Variants in NUP205 observed in about 807,000 individuals in gnomAD.
NUP205 encodes the protein nucleoporin 205.
NUP205 carries 76 observed loss-of-function variants against 253.8 expected under a neutral mutation model. That is an observed-to-expected ratio of 0.30 (90% confidence interval 0.25 to 0.36). The LOEUF is 0.36. Among genes scored for constraint, NUP205 ranks in the 10% least tolerant of loss-of-function variants. NUP205 has a pLI of 1.00. For missense variants in NUP205, 2,162 were observed against 2,425.5 expected (o/e 0.89, Z 2.28); for synonymous variants, 832 against 850.1 (o/e 0.98, Z 0.37).
intron 33 of NUP205, among the ~76,000 whole-genome samples, chr7:135,626,891 G>A (rs1270163589): frequency 1.3e-5 from 2 of 152,106 alleles, no homozygotes; most frequent in East Asian, 3.9e-4. Flanking sequence ...TAGGTAGATA[G>A]CATACCTTCC....
chr7:135,617,264 A>C lies in NUP205; in HGVS notation c.3690+17A>C, dbSNP rs767584976. 6.2e-7 allele frequency: 1 copy of C among 1,610,206 alleles called. No individual in the cohort carries two copies. The highest frequency in any genetic ancestry group is 1.1e-5 in the South Asian group (1 of 90,628). On this transcript the variant is annotated intron_variant, in intron 26 of 42. Coordinates refer to ENST00000285968, the MANE Select transcript of NUP205 (RefSeq NM_015135.3). ...AATGTCAAGGTGAGGATTGCTTTAA[A>C]GTACATATCTGCAGTGTCAAGTGGC...
At chr7:135,597,935 A>T in intron 14 of NUP205, 63 bp from the exon 15 acceptor site, 1 of 1,268,974 alleles carries the variant, frequency 7.9e-7, no homozygotes, top group Non-Finnish European at 1.1e-6. Flanking sequence ...ATGTCTGCAT[A>T]ATACTCTTCA....
intron 15 of NUP205, among the ~76,000 whole-genome samples, chr7:135,600,615 C>A (rs1047472933): frequency 6.6e-6 from 1 of 152,068 alleles, no homozygotes; most frequent in African/African-American, 2.4e-5. Flanking sequence ...TTAATGAATT[C>A]CAAACATCTA....
At chr7:135,627,182 C>G (rs1029432137) in intron 33 of NUP205, among the ~76,000 whole-genome samples, 1 of 152,112 alleles carries the variant, frequency 6.6e-6, no homozygotes, top group South Asian at 2.1e-4. Context: ...CGTTCCCCCT[C>G]AATAGGCAGC....
chr7:135,628,196 A>C, intron 34 of NUP205, 85 bp downstream of exon 34: 1 of 1,332,068 alleles, frequency 7.5e-7, no homozygotes, highest in East Asian at 2.4e-5. Context: ...TAGAATGCTT[A>C]AGTGAATTTA....
In NUP205 at chr7:135,571,108, C is replaced by T; in HGVS notation, c.32C>T (p.Ala11Val). ...TTTCATTTATTTTTTCTTTAAGCTGCTAGTCTATGGGGTCCTTACAAAGAC... is the reference window on the plus strand; with the variant it reads ...TTTCATTTATTTTTTCTTTAAGCTGTTAGTCTATGGGGTCCTTACAAAGAC... MATPLAVNSA[A>V]SLWGPYKDIW... Residue 11 changes from alanine to valine, a missense_variant, in exon 2 of 43, where the codon GCT (alanine) becomes GTT (valine). This residue lies in a region of NUP205 where 109 missense variants were observed against 131.8 expected (regional missense o/e 0.83). Coordinates refer to ENST00000285968, the MANE Select transcript of NUP205 (RefSeq NM_015135.3). The T allele has an allele frequency of 1.3e-6, 2 of 1,542,644 alleles. No homozygotes were observed. Among genetic ancestry groups the T allele is most frequent in the Non-Finnish European group, 1.7e-6 (2 of 1,144,384 alleles).
intron 7 of NUP205, among the ~76,000 whole-genome samples, chr7:135,581,084 A>G (rs1425192450): frequency 2.0e-5 from 3 of 152,152 alleles, no homozygotes; most frequent in Non-Finnish European, 4.4e-5. Flanking sequence ...TTTGCATTTT[A>G]AAAATTGTTA....
At chr7:135,644,388 C>T (rs759493033) in intron 39 of NUP205, among the ~76,000 whole-genome samples, 5 of 152,210 alleles carry the variant, frequency 3.3e-5, no homozygotes, top group African/African-American at 1.2e-4. Context: ...CACTTCAGTA[C>T]GCCTTCTGTG....
intron 3 of NUP205, 131 bp from the exon 4 acceptor site, chr7:135,576,139 G>A (rs780853411): frequency 6.4e-6 from 4 of 626,104 alleles, no homozygotes; most frequent in Admixed American, 2.8e-5. Flanking sequence ...GTTTGTAGTA[G>A]AGGACCCCAG....
intron 1 of NUP205, among the ~76,000 whole-genome samples, chr7:135,570,649 T>C (rs1170858920): frequency 7.6e-6 from 1 of 130,738 alleles, no homozygotes; most frequent in Admixed American, 9.0e-5. Context: ...TAATTAGCAA[T>C]CATTTATTAT....
rs777973604 is a variant in NUP205 at position 135,576,448 on chromosome 7, T to C, written c.488+34T>C. On this transcript the variant is annotated intron_variant, in intron 4 of 42. Coordinates refer to ENST00000285968, the MANE Select transcript of NUP205 (RefSeq NM_015135.3). ...ACTTCTTGGGATTTCAGGGGTTAAT[T>C]TGAAATTACTTGAAGTATGACAATA... 99 of 1,570,948 alleles carry C rather than the reference T, an allele frequency of 6.3e-5. 1 individual carries two copies. In the Middle Eastern group the frequency reaches 1.2e-3, roughly 19 times the overall value.
intron 22 of NUP205, among the ~76,000 whole-genome samples, chr7:135,611,590 CCT>C (rs960384485): frequency 6.6e-6 from 1 of 151,774 alleles, no homozygotes; most frequent in Non-Finnish European, 1.5e-5. Context: ...CTTTTTTACT[CCT>C]CTCTGTATAA....
rs1806623343 is a variant in NUP205, at chr7:135,591,334, G to A, written c.1474-116G>A. On this transcript the variant is annotated intron_variant, in intron 10 of 42. Coordinates refer to ENST00000285968, the MANE Select transcript of NUP205 (RefSeq NM_015135.3). ...AGAATATCAGTTAAATTTGTCTGTT[G>A]CGAGGGTTAAGTCAGAGCACTACTT... 3.9e-6 allele frequency: 3 copies of A among 774,624 alleles called. No homozygotes were observed. In the South Asian group the frequency reaches 5.3e-5, roughly 14 times the overall value. The allele number at this position is 774,624 out of a possible 1,614,324, so 48.0% of individuals were successfully genotyped here. A position where few individuals can be genotyped will look rare whatever the true frequency, so the allele number is the denominator to read the frequency against.
At chr7:135,583,485 C>T (rs900067380) in intron 7 of NUP205, among the ~76,000 whole-genome samples, 12 of 152,084 alleles carry the variant, frequency 7.9e-5, no homozygotes, top group African/African-American at 1.2e-4. Context: ...AATGGCCAGG[C>T]GCAGTGACTC....
At chr7:135,588,041 G>A (rs923360619) in intron 10 of NUP205, 49 bp downstream of exon 10, 2 of 1,492,616 alleles carry the variant, frequency 1.3e-6, no homozygotes, top group African/African-American at 2.8e-5. Context: ...GTGATAGAGA[G>A]TCTTGAAAAC....
chr7:135,600,538 A>C (rs565772199), intron 15 of NUP205, among the ~76,000 whole-genome samples: 47 of 152,328 alleles, frequency 3.1e-4, no homozygotes, highest in African/African-American at 1.0e-3. Context: ...TTGGCACTTG[A>C]AAAGTGTCCA....
chr7:135,584,519 A>C (rs2129490043), intron 7 of NUP205, among the ~76,000 whole-genome samples: 1 of 152,328 alleles, frequency 6.6e-6, no homozygotes, highest in African/African-American at 2.4e-5. Flanking sequence ...TAATATGTGA[A>C]TGTTTGGATG....
In NUP205 at chr7:135,643,349, G is replaced by T; in HGVS notation, c.5550G>T (p.Glu1850Asp). The T allele has an allele frequency of 1.2e-6, 2 of 1,613,630 alleles. No homozygotes were observed. The highest frequency in any genetic ancestry group is 1.7e-6 in the Non-Finnish European group (2 of 1,179,780). The change falls in exon 39 of 43, where the codon GAG (glutamate) becomes GAT (aspartate). Residue 1850 changes from glutamate (E) to aspartate (D), a missense_variant. Physicochemically the swap from Glu to Asp is conservative, Grantham distance 45. Coordinates refer to ENST00000285968, the MANE Select transcript of NUP205 (RefSeq NM_015135.3). ...LQNVEQLPPDEIKELCQSVMP... is the reference protein window; with the variant it reads ...LQNVEQLPPDDIKELCQSVMP... ...ATGTAGAGCAGCTTCCCCCAGATGAGATAAAAGAGGTACGAATCTTATAAT... is the reference window on the plus strand; with the variant it reads ...ATGTAGAGCAGCTTCCCCCAGATGATATAAAAGAGGTACGAATCTTATAAT...
At chr7:135,622,095 G>A (rs957397588) in intron 30 of NUP205, among the ~76,000 whole-genome samples, 1 of 149,198 alleles carries the variant, frequency 6.7e-6, no homozygotes, top group Non-Finnish European at 1.5e-5. Flanking sequence ...GAGCCACCAC[G>A]CCTGGCAATT....
Sources: gnomAD v4.1 joint callset for allele counts (sites outside exome capture counted in the v4.1 genomes callset) on GRCh38, gnomAD v4.1.1 for gene constraint, gnomAD v4.1.1 regional missense constraint, MANE v1.5 for transcripts, NCBI Gene and HGNC (gene_info 2026-07-23, HGNC 2026-07-21) for gene names.